Variants in FSTL5 observed in about 807,000 individuals in gnomAD.
The protein encoded by FSTL5 is follistatin-related protein 5.
Under a neutral mutation model 89.1 loss-of-function variants are expected in FSTL5, and 62 were observed. The ratio of observed to expected loss-of-function variants is 0.70; its 90% confidence interval spans 0.57 to 0.86. The LOEUF (loss-of-function observed/expected upper bound fraction) is 0.86. FSTL5 is among the 40% of genes least tolerant of loss of function. The pLI is 0.00. For missense variants in FSTL5, 1,057 were observed against 1,001.6 expected (o/e 1.06, Z -0.75); for synonymous variants, 383 against 346.2 (o/e 1.11, Z -1.18).
chr4:161,431,811 G>A (rs1732385265), intron 15 of FSTL5, among the ~76,000 whole-genome samples: 1 of 151,948 alleles, frequency 6.6e-6, no homozygotes, highest in African/African-American at 2.4e-5. Flanking sequence ...AAGAACAGCA[G>A]TAGCTAAACT....
intron 3 of FSTL5, among the ~76,000 whole-genome samples, chr4:161,948,773 T>C (rs970884063): frequency 6.6e-6 from 1 of 151,970 alleles, no homozygotes; most frequent in Non-Finnish European, 1.5e-5. Context: ...AATTACTGAA[T>C]TTGTATTCAT....
intron 9 of FSTL5, among the ~76,000 whole-genome samples, chr4:161,541,452 T>C (rs1392697320): frequency 6.6e-6 from 1 of 151,086 alleles, no homozygotes; most frequent in South Asian, 2.1e-4. Flanking sequence ...TGTTAATAAG[T>C]CTTCTCCTCT....
At chr4:161,510,121 AG>A (rs1471643578) in intron 11 of FSTL5, among the ~76,000 whole-genome samples, 1 of 152,110 alleles carries the variant, frequency 6.6e-6, no homozygotes, top group Non-Finnish European at 1.5e-5. Flanking sequence ...TGTTTAACTG[AG>A]ATTGCTTTTG....
intron 7 of FSTL5, among the ~76,000 whole-genome samples, chr4:161,634,567 A>T (rs1312113512): frequency 6.6e-6 from 1 of 152,220 alleles, no homozygotes; most frequent in Non-Finnish European, 1.5e-5. Flanking sequence ...TCTTAAAAAA[A>T]CAGGAACACC....
At chr4:161,862,476 T>C (rs994749080) in intron 4 of FSTL5, among the ~76,000 whole-genome samples, 1 of 152,138 alleles carries the variant, frequency 6.6e-6, no homozygotes, top group Admixed American at 6.6e-5. Flanking sequence ...ATCTCACACC[T>C]GTAATCCTAG....
intron 8 of FSTL5, among the ~76,000 whole-genome samples, chr4:161,561,206 G>GATAGATAC (rs1732587699): frequency 6.6e-6 from 1 of 151,476 alleles, no homozygotes; most frequent in South Asian, 2.1e-4. Flanking sequence ...TAGATAGATA[G>GATAGATAC]ATAGATAGAT....
At chr4:161,421,295 C>T (rs558646238) in intron 15 of FSTL5, among the ~76,000 whole-genome samples, 4 of 150,684 alleles carry the variant, frequency 2.7e-5, no homozygotes, top group Non-Finnish European at 4.4e-5. Flanking sequence ...GAGCCAAGAT[C>T]GCGCCACTGC....
intron 8 of FSTL5, among the ~76,000 whole-genome samples, chr4:161,560,410 C>T (rs1732552407): frequency 2.6e-5 from 4 of 151,794 alleles, no homozygotes; most frequent in Non-Finnish European, 5.9e-5. Context: ...TATAAAAAAA[C>T]TTTCTTTCTT....
intron 2 of FSTL5, among the ~76,000 whole-genome samples, chr4:162,049,871 AG>A (rs1326101482): frequency 6.6e-6 from 1 of 152,094 alleles, no homozygotes; most frequent in Non-Finnish European, 1.5e-5. Flanking sequence ...GAAAGACTAA[AG>A]AAAACCCAAG....
rs552887826 is a variant in FSTL5 at position 162,149,450 on chromosome 4, C to A, written c.-17+14165G>T. Among the ~76,000 whole-genome samples, 18 of 151,594 alleles carry A rather than the reference C, an allele frequency of 1.2e-4. No individual in the cohort carries two copies. In the Middle Eastern group the frequency reaches 0.017, roughly 143 times the overall value. ...GAACAGCATGGGCAACACAGAGAGA[C>A]CCCTATCTCTACAAAGAAATGTAAA... On this transcript the variant is annotated intron_variant, in intron 1 of 15. Coordinates refer to ENST00000306100, the MANE Select transcript of FSTL5 (RefSeq NM_020116.5).
chr4:161,412,987 T>C (rs968605336), intron 15 of FSTL5, among the ~76,000 whole-genome samples: 1 of 151,868 alleles, frequency 6.6e-6, no homozygotes, highest in Non-Finnish European at 1.5e-5. Context: ...CTAACTCTTC[T>C]CAACATTGGC....
At chr4:161,926,114 C>A (rs1734113687) in intron 3 of FSTL5, among the ~76,000 whole-genome samples, 2 of 151,796 alleles carry the variant, frequency 1.3e-5, no homozygotes, top group African/African-American at 4.8e-5. Flanking sequence ...TGGCAAGGGG[C>A]AGTTCAAGTA....
chr4:161,894,976 A>C (rs879774035), intron 4 of FSTL5, among the ~76,000 whole-genome samples: 2 of 152,230 alleles, frequency 1.3e-5, no homozygotes, highest in Non-Finnish European at 2.9e-5. Flanking sequence ...GCTATCATAC[A>C]CATGCTACTT....
At chr4:161,535,077 T>C (rs1318673797) in intron 10 of FSTL5, among the ~76,000 whole-genome samples, 2 of 152,168 alleles carry the variant, frequency 1.3e-5, no homozygotes. Flanking sequence ...TAACTCAAGA[T>C]GGGTTAAAGA....
chr4:161,687,375 T>C (rs1737782961), intron 6 of FSTL5, among the ~76,000 whole-genome samples: 1 of 152,212 alleles, frequency 6.6e-6, no homozygotes, highest in Non-Finnish European at 1.5e-5. Context: ...TATTCTCCTG[T>C]TCAATATTTT....
At position 162,060,372 on chromosome 4, in the gene FSTL5, A is replaced by G. The variant is rs1738681798; in HGVS notation, c.127-26714T>C. Reference sequence around the variant, plus strand: ...TCACAGTATTTCCTTCGAGTTGTGAAATGGTGATTCTATTTCTCTAATATA... The same window carrying G: ...TCACAGTATTTCCTTCGAGTTGTGAGATGGTGATTCTATTTCTCTAATATA... On this transcript the variant is annotated intron_variant, in intron 2 of 15. Transcript: ENST00000306100. Among the ~76,000 whole-genome samples the G allele has an allele frequency of 3.3e-5, 5 of 152,220 alleles. No homozygotes were observed. The South Asian group carries it at 1.0e-3, about 32-fold the overall frequency.
intron 3 of FSTL5, among the ~76,000 whole-genome samples, chr4:161,972,716 G>C (rs982677943): frequency 6.6e-6 from 1 of 152,198 alleles, no homozygotes; most frequent in African/African-American, 2.4e-5. Flanking sequence ...CCAAAGCAAA[G>C]AGCCCAGTTA....
At chr4:161,836,298 C>G (rs1467934746) in intron 4 of FSTL5, among the ~76,000 whole-genome samples, 3 of 104,092 alleles carry the variant, frequency 2.9e-5, no homozygotes, top group Non-Finnish European at 5.3e-5. Flanking sequence ...ACTCTAGGGA[C>G]TGTTGTGGGG....
chr4:161,988,391 G>A (rs1736023925), intron 3 of FSTL5, among the ~76,000 whole-genome samples: 1 of 152,048 alleles, frequency 6.6e-6, no homozygotes, highest in Non-Finnish European at 1.5e-5. Flanking sequence ...CAGCAAAGGA[G>A]AATACGTGTA....
Sources: allele counts gnomAD v4.1 joint callset (sites outside exome capture counted in the v4.1 genomes callset), GRCh38; gene constraint gnomAD v4.1.1; transcripts MANE v1.5; gene names NCBI Gene and HGNC (gene_info 2026-07-23, HGNC 2026-07-21).